Variants in PPP6R3 observed in about 807,000 individuals in gnomAD.
The protein encoded by PPP6R3 is serine/threonine-protein phosphatase 6 regulatory subunit 3.
In PPP6R3, 38 loss-of-function variants were observed where a neutral mutation model predicts 110.7. That is an observed-to-expected ratio of 0.34 (90% confidence interval 0.26 to 0.45). PPP6R3 has a LOEUF of 0.45. Ranked by LOEUF, PPP6R3 falls within the 20% of genes least tolerant of loss-of-function variation. The pLI is 1.00. For missense variants in PPP6R3, 870 were observed against 1,062.4 expected, an observed-to-expected ratio of 0.82 and a Z score of 2.52; for synonymous variants, 369 against 373.5, an observed-to-expected ratio of 0.99 and a Z score of 0.14.
intron 8 of PPP6R3, among the ~76,000 whole-genome samples, chr11:68,559,346 T>C (rs558161775): frequency 6.6e-6 from 1 of 152,370 alleles, no homozygotes; most frequent in South Asian, 2.1e-4. Context: ...ATTTACTCAT[T>C]ATCAGAGTTT....
At chr11:68,515,661 G>A (rs927369955) in intron 1 of PPP6R3, among the ~76,000 whole-genome samples, 6 of 152,160 alleles carry the variant, frequency 3.9e-5, no homozygotes, top group African/African-American at 1.2e-4. Flanking sequence ...TTCTCAACAT[G>A]GCCTTTCCTT....
intron 1 of PPP6R3, among the ~76,000 whole-genome samples, chr11:68,481,586 T>A (rs2098913008): frequency 6.6e-6 from 1 of 152,232 alleles, no homozygotes; most frequent in Admixed American, 6.5e-5. Flanking sequence ...GCAGAATTGT[T>A]GTGAGGATTA....
intron 1 of PPP6R3, among the ~76,000 whole-genome samples, chr11:68,505,935 C>G (rs960336635): frequency 6.6e-6 from 1 of 152,118 alleles, no homozygotes; most frequent in African/African-American, 2.4e-5. Flanking sequence ...ACTCTTGGAG[C>G]TTGGGATAGT....
intron 2 of PPP6R3, among the ~76,000 whole-genome samples, chr11:68,535,791 G>A (rs561835054): frequency 5.5e-4 from 72 of 129,958 alleles, no homozygotes; most frequent in African/African-American, 2.1e-3. Flanking sequence ...GTGAAACCCC[G>A]TCTCTACTAA....
intron 9 of PPP6R3, among the ~76,000 whole-genome samples, chr11:68,565,448 T>G (rs1435936552): frequency 6.6e-6 from 1 of 152,008 alleles, no homozygotes; most frequent in African/African-American, 2.4e-5. Context: ...AGTGCCTCTG[T>G]TGGTGTTTGA....
At chr11:68,570,002 C>T (rs1356935974) in intron 11 of PPP6R3, 105 bp downstream of exon 11, 13 of 1,058,056 alleles carry the variant, frequency 1.2e-5, no homozygotes, top group Non-Finnish European at 1.7e-5. Flanking sequence ...GGTTAGATTT[C>T]AGAGTCTAAA....
At chr11:68,561,948 G>A (rs943694609) in intron 8 of PPP6R3, among the ~76,000 whole-genome samples, 4 of 151,896 alleles carry the variant, frequency 2.6e-5, no homozygotes, top group South Asian at 2.1e-4. Context: ...GTTTTGTAGC[G>A]ATGGAGTCTG....
chr11:68,542,389 G>GTTTGTTTTTTTTTTTTTTT (rs2099321682), intron 3 of PPP6R3, among the ~76,000 whole-genome samples: 1 of 40,188 alleles, frequency 2.5e-5, no homozygotes, highest in Admixed American at 4.3e-4. Flanking sequence ...AGAAGCTGCT[G>GTTTGTTTTTTTTTTTTTTT]TTTTTTTTTT....
intron 2 of PPP6R3, among the ~76,000 whole-genome samples, 197 bp downstream of exon 2, chr11:68,519,848 T>G (rs1342560375): frequency 1.3e-5 from 2 of 152,144 alleles, no homozygotes; most frequent in Non-Finnish European, 2.9e-5. Flanking sequence ...TTGGTATATC[T>G]TAAATCTGCA....
At chr11:68,612,126 T>TATAAG (rs1555212674) in intron 23 of PPP6R3, among the ~76,000 whole-genome samples, 1 of 152,198 alleles carries the variant, frequency 6.6e-6, no homozygotes, top group Non-Finnish European at 1.5e-5. Flanking sequence ...GAAATCTACT[T>TATAAG]ATAAGATCAC....
chr11:68,571,628 A>G (rs1478944304), intron 12 of PPP6R3, among the ~76,000 whole-genome samples: 2 of 152,214 alleles, frequency 1.3e-5, no homozygotes, highest in African/African-American at 4.8e-5. Context: ...TTTGTTACAC[A>G]AAACGTTTTC....
Position 68,596,078 on chromosome 11 carries a change from G to A in PPP6R3, c.1917-19G>A, listed in dbSNP as rs758964146. 6.2e-7 allele frequency: 1 copy of A among 1,614,000 alleles called. No homozygotes were observed. Among genetic ancestry groups the A allele is most frequent in the East Asian group, 2.2e-5 (1 of 44,884 alleles). The stretch of plus-strand genomic sequence containing the variant: ...GGCTGATAAGCAGTGTTAAATACTT[G>A]GGTCTTGTTTTTCCTTAGCTCGGGG... On this transcript the variant is annotated intron_variant, in intron 18 of 23. Coordinates refer to ENST00000393800, the MANE Select transcript of PPP6R3 (RefSeq NM_001164161.2).
intron 1 of PPP6R3, among the ~76,000 whole-genome samples, chr11:68,480,612 T>C (rs990182801): frequency 6.6e-6 from 1 of 152,226 alleles, no homozygotes; most frequent in Admixed American, 6.5e-5. Context: ...GTGCTCCTCA[T>C]GTTGGCCAGT....
chr11:68,561,670 CAT>C (rs1318042189), intron 8 of PPP6R3, among the ~76,000 whole-genome samples: 3 of 152,190 alleles, frequency 2.0e-5, no homozygotes, highest in East Asian at 1.9e-4. Flanking sequence ...GAAGAAAAAA[CAT>C]ATCATCATTT....
intron 1 of PPP6R3, among the ~76,000 whole-genome samples, chr11:68,516,774 C>T (rs540578053): frequency 6.6e-6 from 1 of 152,264 alleles, no homozygotes; most frequent in Non-Finnish European, 1.5e-5. Flanking sequence ...TGAATGTTAA[C>T]GGTTTTTCCA....
intron 1 of PPP6R3, among the ~76,000 whole-genome samples, chr11:68,477,728 T>TAAAAAA (rs1181714569): frequency 4.8e-4 from 37 of 77,408 alleles, no homozygotes; most frequent in African/African-American, 1.5e-3. Context: ...CATTGTCTCT[T>TAAAAAA]AAAAAAAAAA....
intron 2 of PPP6R3, among the ~76,000 whole-genome samples, chr11:68,526,442 C>A (rs1442000000): frequency 6.6e-6 from 1 of 152,052 alleles, no homozygotes; most frequent in Non-Finnish European, 1.5e-5. Context: ...CAAGATCTCC[C>A]TTTGTTGCCT....
In PPP6R3 at chr11:68,559,995, A is replaced by ACGGTGCCCTCTTCCCACCCCAGCG. The variant is rs1565846247; in HGVS notation, c.845+1316_845+1317insCGGTGCCCTCTTCCCACCCCAGCG. ...TACGGTGCCCTCTTCCCACCCCAGC[A>ACGGTGCCCTCTTCCCACCCCAGCG]GTACAGTACCCTCTTGCTACTCATG... On this transcript the variant is annotated intron_variant, in intron 8 of 23. Transcript: ENST00000393800. Among the ~76,000 whole-genome samples, 7 of 104,868 alleles carry ACGGTGCCCTCTTCCCACCCCAGCG rather than the reference A, an allele frequency of 6.7e-5. 2 individuals are homozygous for ACGGTGCCCTCTTCCCACCCCAGCG. The highest frequency in any genetic ancestry group is 3.8e-4 in the Admixed American group (4 of 10,484). 68.8% of individuals were successfully genotyped at this position (104,868 alleles called of 152,430 possible).
chr11:68,596,019 G>C (rs1319924648), intron 18 of PPP6R3, 78 bp from the exon 19 acceptor site: 1 of 1,569,032 alleles, frequency 6.4e-7, no homozygotes, highest in African/African-American at 1.4e-5. Context: ...TTTTGTTGCT[G>C]GATGACTGTT....
Sources: allele counts gnomAD v4.1 joint callset (sites outside exome capture counted in the v4.1 genomes callset), GRCh38; gene constraint gnomAD v4.1.1; transcripts MANE v1.5; gene names NCBI Gene and HGNC (gene_info 2026-07-23, HGNC 2026-07-21).